Variants in CTNNA1 observed in about 807,000 individuals in gnomAD.
CTNNA1 encodes catenin alpha-1.
CTNNA1 carries 37 observed loss-of-function variants against 98.4 expected under a neutral mutation model. The ratio of observed to expected loss-of-function variants is 0.38; its 90% confidence interval spans 0.29 to 0.49. The LOEUF (loss-of-function observed/expected upper bound fraction) is 0.49, where lower values mean the gene tolerates loss of function less well. CTNNA1 is among the 20% of genes least tolerant of loss of function. The probability of loss-of-function intolerance (pLI) is 0.95; values close to 1 mark genes in which losing one functional copy is unlikely to be tolerated. For missense variants in CTNNA1, 761 were observed against 1,147.2 expected (o/e 0.66, Z 4.86); for synonymous variants, 404 against 413.2 (o/e 0.98, Z 0.27).
At chr5:138,904,066 G>A (rs1405337932) in intron 9 of CTNNA1, among the ~76,000 whole-genome samples, 1 of 152,186 alleles carries the variant, frequency 6.6e-6, no homozygotes, top group Non-Finnish European at 1.5e-5. Context: ...TACTGTTCAG[G>A]CGGGTTAGAG....
At position 138,927,002 on chromosome 5, in the gene CTNNA1, C is replaced by T. The variant is rs374673622; in HGVS notation, c.1899+1595C>T. Among the ~76,000 whole-genome samples, 7 of 152,316 alleles carry T rather than the reference C, an allele frequency of 4.6e-5. No individual in the cohort carries two copies. In the East Asian group the frequency reaches 1.2e-3, roughly 25 times the overall value. ...CTCGAATCTTTTATTTCCCTTTTGT[C>T]CCATACCTCACATCTGCTTTATCTG... On this transcript the variant is annotated intron_variant, in intron 13 of 17. Coordinates refer to ENST00000302763, the MANE Select transcript of CTNNA1 (RefSeq NM_001903.5).
chr5:138,905,111 AATACAT>A (rs975995457), intron 10 of CTNNA1, among the ~76,000 whole-genome samples: 2 of 139,270 alleles, frequency 1.4e-5, no homozygotes, highest in African/African-American at 2.9e-5. Context: ...AAAAAAAAAA[AATACAT>A]ACATACATAC....
chr5:138,930,433 ATTCTTT>A (rs771792635), intron 14 of CTNNA1, 34 bp from the exon 15 acceptor site: 1 of 1,508,430 alleles, frequency 6.6e-7, no homozygotes, highest in South Asian at 1.2e-5. Flanking sequence ...AGAACTTCAT[ATTCTTT>A]TTATGTAAGA....
intron 3 of CTNNA1, among the ~76,000 whole-genome samples, chr5:138,804,798 G>T (rs1169794938): frequency 6.6e-6 from 1 of 152,074 alleles, no homozygotes; most frequent in Admixed American, 6.5e-5. Flanking sequence ...TGCAAAAGTA[G>T]TTATGGTTTT....
At chr5:138,926,133 A>G (rs1763977762) in intron 13 of CTNNA1, among the ~76,000 whole-genome samples, 1 of 151,982 alleles carries the variant, frequency 6.6e-6, no homozygotes. Context: ...TGTCTTTGTC[A>G]TCCCCAGCAG....
intron 5 of CTNNA1, among the ~76,000 whole-genome samples, chr5:138,823,860 G>A (rs912573220): frequency 6.8e-6 from 1 of 146,814 alleles, no homozygotes; most frequent in African/African-American, 2.5e-5. Flanking sequence ...GGGAGGCTGA[G>A]GCAGGAGAAT....
chr5:138,841,452 G>GT (rs1762265077), intron 7 of CTNNA1, among the ~76,000 whole-genome samples: 1 of 152,088 alleles, frequency 6.6e-6, no homozygotes, highest in Non-Finnish European at 1.5e-5. Flanking sequence ...TAGAGATGGG[G>GT]TTTCACCATG....
At chr5:138,817,379 T>G (rs907687956) in intron 5 of CTNNA1, among the ~76,000 whole-genome samples, 1 of 152,230 alleles carries the variant, frequency 6.6e-6, no homozygotes, top group Non-Finnish European at 1.5e-5. Context: ...GGTGTATAAC[T>G]ACCCACTAAT....
intron 9 of CTNNA1, among the ~76,000 whole-genome samples, chr5:138,902,039 T>G (rs1758154218): frequency 6.6e-6 from 1 of 152,224 alleles, no homozygotes; most frequent in Non-Finnish European, 1.5e-5. Flanking sequence ...TGTGCTCTTG[T>G]AGAACATTAC....
At chr5:138,882,448 G>C (rs1219619568) in intron 7 of CTNNA1, among the ~76,000 whole-genome samples, 2 of 152,188 alleles carry the variant, frequency 1.3e-5, no homozygotes, top group East Asian at 1.9e-4. Flanking sequence ...AAGGAGAAAA[G>C]AAAGCCTTTG....
intron 6 of CTNNA1, 118 bp from the exon 7 acceptor site, chr5:138,827,397 T>G (rs1581177668): frequency 8.7e-7 from 1 of 1,145,968 alleles, no homozygotes. Flanking sequence ...AGTATAACTT[T>G]CTTTCAGATG....
rs1208341954 is a variant in CTNNA1, at chr5:138,873,013, T to C, written c.1063-13199T>C. 4 of 1,599,668 alleles carry C rather than the reference T, an allele frequency of 2.5e-6. No homozygotes were observed. The highest frequency in any genetic ancestry group is 2.6e-6 in the Non-Finnish European group (3 of 1,171,068). On this transcript the variant is annotated intron_variant, in intron 7 of 17. Coordinates refer to ENST00000302763, the MANE Select transcript of CTNNA1 (RefSeq NM_001903.5). This position sits in a 1 kb window ranked among gnomAD's most constrained non-coding sequence, Gnocchi z 6.1. ...GATTTTTGATGATGGGTAGATATTA[T>C]ACTTCACATTCTTTGTATGGCAGCT... is the stretch of plus-strand genomic sequence containing the variant.
chr5:138,772,372 C>A (rs536610016), intron 1 of CTNNA1, among the ~76,000 whole-genome samples: 1 of 152,300 alleles, frequency 6.6e-6, no homozygotes, highest in East Asian at 1.9e-4. Flanking sequence ...GGTTGGCTAG[C>A]TCTAGTAGGT....
At chr5:138,882,185 GT>G (rs1753056201) in intron 7 of CTNNA1, among the ~76,000 whole-genome samples, 7 of 152,362 alleles carry the variant, frequency 4.6e-5, no homozygotes, top group African/African-American at 1.4e-4. Context: ...GTAGCATTCT[GT>G]GGGGACACTG....
At chr5:138,821,811 G>A (rs1760076485) in intron 5 of CTNNA1, among the ~76,000 whole-genome samples, 1 of 152,180 alleles carries the variant, frequency 6.6e-6, no homozygotes, top group Non-Finnish European at 1.5e-5. Context: ...AGAGACTCTA[G>A]TTTTGTAAAT....
chr5:138,808,083 A>G (rs556222092), intron 3 of CTNNA1, among the ~76,000 whole-genome samples: 45 of 152,280 alleles, frequency 3.0e-4, no homozygotes, highest in African/African-American at 1.1e-3. Context: ...TAAGGCAAAT[A>G]TCTCTTTCTG....
intron 7 of CTNNA1, among the ~76,000 whole-genome samples, chr5:138,849,339 C>G (rs947712829): frequency 8.5e-5 from 13 of 152,086 alleles, no homozygotes; most frequent in Non-Finnish European, 8.8e-5. Context: ...AACAAACCCA[C>G]TATCTCATTG....
chr5:138,901,731 G>T (rs1758082502), intron 9 of CTNNA1, among the ~76,000 whole-genome samples: 1 of 152,096 alleles, frequency 6.6e-6, no homozygotes, highest in African/African-American at 2.4e-5. Flanking sequence ...TCTAACCTCA[G>T]GATCTTCTTT....
At position 138,934,184 on chromosome 5, in the gene CTNNA1, T is replaced by C; in HGVS notation, c.*95T>C. 1.1e-6 allele frequency: 1 copy of C among 897,970 alleles called. No individual in the cohort carries two copies. The highest frequency in any genetic ancestry group is 1.7e-5 in the South Asian group (1 of 60,152). The allele number at this position is 897,970 out of a possible 1,614,324, so 55.6% of individuals were successfully genotyped here. ...AATTTGCTAAATACAACACTGATACTAGATTCCACAGGGAAATGGGCAGAC... is the reference window on the plus strand; with the variant it reads ...AATTTGCTAAATACAACACTGATACCAGATTCCACAGGGAAATGGGCAGAC... On this transcript the variant is annotated 3_prime_UTR_variant, in exon 18 of 18. Transcript: ENST00000302763.
Sources: allele counts gnomAD v4.1 joint callset (sites outside exome capture counted in the v4.1 genomes callset), GRCh38; gene constraint gnomAD v4.1.1; non-coding constraint Gnocchi (gnomAD v3.1); transcripts MANE v1.5; gene names NCBI Gene and HGNC (gene_info 2026-07-23, HGNC 2026-07-21).